Variants in AHI1 observed in about 807,000 individuals in gnomAD.
AHI1 encodes the protein jouberin.
Under a neutral mutation model 149.3 loss-of-function variants are expected in AHI1, and 123 were observed. The observed-to-expected ratio is 0.82, with a 90% CI of 0.71 to 0.96. The LOEUF (loss-of-function observed/expected upper bound fraction) is 0.96, where lower values mean the gene tolerates loss of function less well. Ranked by LOEUF, AHI1 falls within the 40% of genes least tolerant of loss-of-function variation. AHI1 has a pLI of 0.00. For missense variants in AHI1, 1,439 were observed against 1,422.7 expected (o/e 1.01, Z -0.18); for synonymous variants, 475 against 459.8 (o/e 1.03, Z -0.42).
intron 26 of AHI1, among the ~76,000 whole-genome samples, chr6:135,308,233 A>G (rs1029480917): frequency 1.3e-5 from 2 of 152,074 alleles, no homozygotes; most frequent in Non-Finnish European, 2.9e-5. Flanking sequence ...TATTTAGGTT[A>G]ATCCTCCGCT....
chr6:135,373,615 T>C (rs1322098523), intron 23 of AHI1, among the ~76,000 whole-genome samples: 1 of 152,200 alleles, frequency 6.6e-6, no homozygotes, highest in Non-Finnish European at 1.5e-5. Flanking sequence ...TTTATTCCAT[T>C]GTACCTAATC....
At chr6:135,492,933 G>C (rs1232536339) in intron 3 of AHI1, 1 of 978,162 alleles carries the variant, frequency 1.0e-6, no homozygotes, top group Non-Finnish European at 1.2e-6. Context: ...TCTCACATTA[G>C]AACATTTAGA....
intron 23 of AHI1, among the ~76,000 whole-genome samples, chr6:135,386,971 C>T (rs1014606041): frequency 6.6e-6 from 1 of 152,062 alleles, no homozygotes; most frequent in African/African-American, 2.4e-5. Context: ...TCTGTCTCGA[C>T]CTCCAGGCTC....
In AHI1 at chr6:135,492,249, A is replaced by G; in HGVS notation, c.-12T>C. ...TTACCTGTAGGCATCTCTCAGCTTTATGCAGAGGACTGAGAATGCAAAGCA... is the reference window on the plus strand; with the variant it reads ...TTACCTGTAGGCATCTCTCAGCTTTGTGCAGAGGACTGAGAATGCAAAGCA... On this transcript the variant is annotated 5_prime_UTR_variant, in exon 4 of 29. Coordinates refer to ENST00000265602, the MANE Select transcript of AHI1 (RefSeq NM_001134831.2). 6.5e-7 allele frequency: 1 copy of G among 1,538,254 alleles called. No homozygotes were observed. Among genetic ancestry groups the G allele is most frequent in the Non-Finnish European group, 8.8e-7 (1 of 1,139,876 alleles).
chr6:135,304,056 A>G (rs1388268804), intron 26 of AHI1, among the ~76,000 whole-genome samples: 1 of 152,198 alleles, frequency 6.6e-6, no homozygotes, highest in African/African-American at 2.4e-5. Context: ...TTCTAATTTG[A>G]GACAGGATCT....
chr6:135,490,074 G>C, intron 5 of AHI1: 1 of 678,392 alleles, frequency 1.5e-6, no homozygotes, highest in South Asian at 1.7e-5. Context: ...ATTCCAAGGG[G>C]ATCAGGTTGT....
At chr6:135,364,559 G>A (rs900762017) in intron 23 of AHI1, among the ~76,000 whole-genome samples, 1 of 151,022 alleles carries the variant, frequency 6.6e-6, no homozygotes, top group Non-Finnish European at 1.5e-5. Context: ...GGTGGAGGTT[G>A]TAGCGAGCCG....
At chr6:135,315,569 T>C (rs1785820580) in intron 26 of AHI1, among the ~76,000 whole-genome samples, 1 of 152,158 alleles carries the variant, frequency 6.6e-6, no homozygotes, top group Admixed American at 6.5e-5. Context: ...AATTATATAT[T>C]AAACCAAATC....
rs1259228086 is a variant in AHI1 at position 135,433,406 on chromosome 6, A to C, written c.2037-150T>G. 28 of 598,486 alleles carry C rather than the reference A, an allele frequency of 4.7e-5. 1 individual carries two copies. In the South Asian group the frequency reaches 4.7e-4, roughly 10 times the overall value. 37.1% of individuals were successfully genotyped at this position (598,486 alleles called of 1,614,324 possible). On this transcript the variant is annotated intron_variant, in intron 15 of 28. Transcript: ENST00000265602. ...AAGTTTTAAAACAATGAAAAATATA[A>C]TGATGATCTCATATTTGATGACTGG...
chr6:135,450,197 G>A (rs1480498378), intron 11 of AHI1, among the ~76,000 whole-genome samples: 8 of 152,170 alleles, frequency 5.3e-5, no homozygotes, highest in African/African-American at 1.9e-4. Flanking sequence ...ATTAGGAGAG[G>A]ATGGTGTCAA....
chr6:135,374,683 G>A (rs556637080), intron 23 of AHI1, among the ~76,000 whole-genome samples: 16 of 152,038 alleles, frequency 1.1e-4, no homozygotes, highest in African/African-American at 3.6e-4. Flanking sequence ...TCACTTATAA[G>A]GGCAATATAA....
intron 22 of AHI1, among the ~76,000 whole-genome samples, chr6:135,398,114 T>C (rs1173514442): frequency 1.4e-5 from 2 of 141,430 alleles, no homozygotes; most frequent in African/African-American, 5.3e-5. Context: ...AATTAAAATA[T>C]CAGTATTAAA....
intron 10 of AHI1, among the ~76,000 whole-genome samples, chr6:135,455,367 T>A (rs562810217): frequency 6.6e-6 from 1 of 152,306 alleles, no homozygotes; most frequent in East Asian, 1.9e-4. Flanking sequence ...GTGGTACACA[T>A]ATTCTTAGGG....
chr6:135,385,678 T>C (rs1777478164), intron 23 of AHI1, among the ~76,000 whole-genome samples: 1 of 152,186 alleles, frequency 6.6e-6, no homozygotes, highest in South Asian at 2.1e-4. Context: ...AGCATATTTG[T>C]ATGGGGGAAA....
chr6:135,389,126 T>C (rs546904245), intron 23 of AHI1, among the ~76,000 whole-genome samples: 47 of 151,612 alleles, frequency 3.1e-4, no homozygotes, highest in Middle Eastern at 3.4e-3. Context: ...CTGGCTAACA[T>C]GGTGAAACCC....
intron 28 of AHI1, among the ~76,000 whole-genome samples, chr6:135,285,905 C>A (rs945800432): frequency 6.6e-6 from 1 of 152,062 alleles, no homozygotes; most frequent in African/African-American, 2.4e-5. Context: ...TTAATGTAAG[C>A]AAGAAAGAAA....
chr6:135,452,010 G>A (rs1535436), intron 11 of AHI1, among the ~76,000 whole-genome samples: 3,677 of 152,226 alleles, frequency 0.024, 53 homozygotes, highest in Admixed American at 0.038. Flanking sequence ...CCTGGTGGCT[G>A]TTCAGCCCTT....
intron 27 of AHI1, chr6:135,297,359 T>C: frequency 1.1e-5 from 5 of 452,366 alleles, no homozygotes; most frequent in South Asian, 7.8e-5. Context: ...AGCCGTATGC[T>C]CCTTTAAACT....
intron 24 of AHI1, among the ~76,000 whole-genome samples, chr6:135,340,941 G>GA (rs1790277464): frequency 6.7e-6 from 1 of 150,332 alleles, no homozygotes; most frequent in Non-Finnish European, 1.5e-5. Flanking sequence ...GGCAAACACT[G>GA]AAAAAACTCA....
Sources: allele counts gnomAD v4.1 joint callset (sites outside exome capture counted in the v4.1 genomes callset), GRCh38; gene constraint gnomAD v4.1.1; transcripts MANE v1.5; gene names NCBI Gene and HGNC (gene_info 2026-07-23, HGNC 2026-07-21).